Variants in DGKB observed in about 807,000 individuals in gnomAD.
The protein encoded by DGKB is diacylglycerol kinase beta, also known as 90 kDa diacylglycerol kinase.
In DGKB, 67 loss-of-function variants were observed where a neutral mutation model predicts 114.3. That is an observed-to-expected ratio of 0.59 (90% CI 0.48 to 0.72). DGKB has a LOEUF of 0.72. Ranked by LOEUF, DGKB falls within the 30% of genes least tolerant of loss-of-function variation. The pLI, the probability that DGKB is intolerant of heterozygous loss-of-function variation, is 0.00. For synonymous variants in DGKB, 398 were observed against 323.1 expected (o/e 1.23, Z -2.49); for missense variants, 907 against 975.2 (o/e 0.93, Z 0.93).
At chr7:14,242,434 C>G (rs1221188828) in intron 23 of DGKB, among the ~76,000 whole-genome samples, 2 of 152,146 alleles carry the variant, frequency 1.3e-5, no homozygotes, top group African/African-American at 2.4e-5. Flanking sequence ...GTAAAGGTCA[C>G]AAATCCTGAC....
intron 23 of DGKB, among the ~76,000 whole-genome samples, chr7:14,282,807 C>T (rs1267927472): frequency 6.6e-6 from 1 of 152,122 alleles, no homozygotes; most frequent in Non-Finnish European, 1.5e-5. Flanking sequence ...TGACAAAATT[C>T]AACAACCTTT....
At chr7:14,724,087 A>ACATTTGGATCCATTTC (rs1829666054) in intron 5 of DGKB, among the ~76,000 whole-genome samples, 4 of 152,234 alleles carry the variant, frequency 2.6e-5, no homozygotes, top group Non-Finnish European at 5.9e-5. Flanking sequence ...GTCAAAAACA[A>ACATTTGGATCCATTTC]TAACATGGAT....
chr7:14,191,239 ATTG>A (rs1784272737), intron 23 of DGKB: 1 of 157,240 alleles, frequency 6.4e-6, no homozygotes, highest in East Asian at 1.8e-4. Context: ...TGAAACAGTT[ATTG>A]TTAACAAAAT....
At chr7:14,582,854 T>G (rs1800156169) in intron 18 of DGKB, among the ~76,000 whole-genome samples, 198 bp downstream of exon 18, 1 of 152,168 alleles carries the variant, frequency 6.6e-6, no homozygotes, top group Non-Finnish European at 1.5e-5. Context: ...AAGGAAGGAC[T>G]TCTATGTACT....
At chr7:14,874,064 T>A (rs190548907) in intron 1 of DGKB, among the ~76,000 whole-genome samples, 2 of 152,230 alleles carry the variant, frequency 1.3e-5, no homozygotes, top group Admixed American at 6.5e-5. Flanking sequence ...AGTACACCTA[T>A]GTATCAAACA....
At chr7:14,640,901 G>T (rs1221872677) in intron 13 of DGKB, among the ~76,000 whole-genome samples, 1 of 152,114 alleles carries the variant, frequency 6.6e-6, no homozygotes, top group Non-Finnish European at 1.5e-5. Context: ...AGAATGTCTG[G>T]TTTTGACTGC....
At chr7:14,321,072 C>T (rs1185503311) in intron 23 of DGKB, among the ~76,000 whole-genome samples, 1 of 152,092 alleles carries the variant, frequency 6.6e-6, no homozygotes, top group East Asian at 1.9e-4. Context: ...GGGCGGATGA[C>T]TTGAGCCCAG....
intron 23 of DGKB, among the ~76,000 whole-genome samples, chr7:14,292,967 A>G (rs1801992242): frequency 6.6e-6 from 1 of 152,190 alleles, no homozygotes; most frequent in Admixed American, 6.6e-5. Context: ...TGGATGGCCA[A>G]TTCAGAGACT....
intron 1 of DGKB, among the ~76,000 whole-genome samples, chr7:14,846,357 A>C (rs1425320167): frequency 6.6e-6 from 1 of 152,196 alleles, no homozygotes; most frequent in Non-Finnish European, 1.5e-5. Context: ...CTAAATAGTA[A>C]AAATAAGGGT....
At chr7:14,918,406 AG>A (rs1416836380) in intron 1 of DGKB, among the ~76,000 whole-genome samples, 1 of 152,198 alleles carries the variant, frequency 6.6e-6, no homozygotes, top group African/African-American at 2.4e-5. Flanking sequence ...AAATGTAGCA[AG>A]GTTGCAGGAT....
Position 14,280,505 on chromosome 7 carries a change from G to C in DGKB, c.2122+58010C>G, listed in dbSNP as rs547325613. Among the ~76,000 whole-genome samples, 10 of 149,160 alleles carry C rather than the reference G, an allele frequency of 6.7e-5. No homozygotes were observed. In the East Asian group the frequency reaches 1.8e-3, roughly 27 times the overall value. On this transcript the variant is annotated intron_variant, in intron 23 of 25. Transcript: ENST00000402815. The stretch of plus-strand genomic sequence containing the variant: ...CCAACATTCAGATTCAGGAAATACA[G>C]AGAACGCCACAAAGATACTCCTCGA...
At chr7:14,754,134 A>G (rs535571221) in intron 3 of DGKB, among the ~76,000 whole-genome samples, 186 bp from the exon 4 acceptor site, 48 of 152,280 alleles carry the variant, frequency 3.2e-4, no homozygotes, top group African/African-American at 1.1e-3. Context: ...GAAAACTGAT[A>G]GAAATGCAAA....
intron 23 of DGKB, among the ~76,000 whole-genome samples, chr7:14,287,731 G>GT (rs1470995339): frequency 6.6e-6 from 1 of 152,160 alleles, no homozygotes; most frequent in Admixed American, 6.6e-5. Flanking sequence ...AAATAGAAAA[G>GT]TATCTCTGAA....
chr7:14,245,800 C>T lies in DGKB; in HGVS notation c.2123-67649G>A, dbSNP rs188235952. Reference sequence around the variant, plus strand: ...AAAATTAGCTGGGCATGGTGGTGTGCGCCTGTAGTCCCAGCTACTCGAGAG... The same window carrying T: ...AAAATTAGCTGGGCATGGTGGTGTGTGCCTGTAGTCCCAGCTACTCGAGAG... On this transcript the variant is annotated intron_variant, in intron 23 of 25. Transcript: ENST00000402815. Among the ~76,000 whole-genome samples, 292 of 151,906 alleles carry T rather than the reference C, an allele frequency of 1.9e-3. 2 individuals are homozygous for T. The highest frequency in any genetic ancestry group is 0.012 in the Admixed American group (186 of 15,250).
intron 21 of DGKB, among the ~76,000 whole-genome samples, chr7:14,357,688 G>C (rs1315631550): frequency 6.6e-6 from 1 of 152,142 alleles, no homozygotes; most frequent in African/African-American, 2.4e-5. Context: ...TTTCTTCATA[G>C]CATTGATGGT....
intron 1 of DGKB, among the ~76,000 whole-genome samples, chr7:14,942,418 A>C (rs1309603077): frequency 6.6e-6 from 1 of 151,978 alleles, no homozygotes; most frequent in Non-Finnish European, 1.5e-5. Context: ...ACATTATTAC[A>C]TTATATTTAT....
intron 1 of DGKB, among the ~76,000 whole-genome samples, chr7:14,969,237 C>A (rs897897012): frequency 2.6e-5 from 4 of 152,112 alleles, no homozygotes; most frequent in Non-Finnish European, 5.9e-5. Flanking sequence ...AATACTGATG[C>A]TAATCCCTGT....
At chr7:14,515,908 G>C (rs1187828831) in intron 20 of DGKB, among the ~76,000 whole-genome samples, 1 of 152,126 alleles carries the variant, frequency 6.6e-6, no homozygotes, top group Admixed American at 6.5e-5. Flanking sequence ...GCAGTGGCAA[G>C]CTCATGACTC....
intron 1 of DGKB, among the ~76,000 whole-genome samples, chr7:14,865,722 G>T (rs1422067939): frequency 1.3e-5 from 2 of 152,122 alleles, no homozygotes; most frequent in African/African-American, 4.8e-5. Flanking sequence ...TGGAGTTGAA[G>T]TCGAATTTAA....
Sources: allele counts gnomAD v4.1 joint callset (sites outside exome capture counted in the v4.1 genomes callset), GRCh38; gene constraint gnomAD v4.1.1; transcripts MANE v1.5; gene names NCBI Gene and HGNC (gene_info 2026-07-23, HGNC 2026-07-21).